Variants in CCNT2 observed in about 807,000 individuals in gnomAD.
CCNT2 encodes the protein cyclin-T2.
Under a neutral mutation model 70.0 loss-of-function variants are expected in CCNT2, and 18 were observed. The observed-to-expected ratio is 0.26, with a 90% CI of 0.18 to 0.38. The LOEUF (loss-of-function observed/expected upper bound fraction) is 0.38. Among genes scored for constraint, CCNT2 ranks in the 10% least tolerant of loss-of-function variants. The pLI, the probability that CCNT2 is intolerant of heterozygous loss-of-function variation, is 1.00. For missense variants in CCNT2, 734 were observed against 890.2 expected, an observed-to-expected ratio of 0.82 and a Z score of 2.23; for synonymous variants, 334 against 313.3, an observed-to-expected ratio of 1.07 and a Z score of -0.70.
chr2:134,943,432 G>A (rs887131376), intron 5 of CCNT2: 43 of 984,942 alleles, frequency 4.4e-5, no homozygotes, highest in Non-Finnish European at 4.7e-5. Flanking sequence ...TGGGGGGAGT[G>A]TTTTGCCCAT....
intron 1 of CCNT2, among the ~76,000 whole-genome samples, chr2:134,919,556 C>T (rs1258642729): frequency 6.6e-6 from 1 of 152,052 alleles, no homozygotes; most frequent in Non-Finnish European, 1.5e-5. Context: ...TAGTCGTAGC[C>T]ATTGATAAAT....
chr2:134,945,870 A>G, intron 5 of CCNT2: 1 of 1,502,582 alleles, frequency 6.7e-7, no homozygotes, highest in Non-Finnish European at 8.9e-7. Context: ...AGCTAAAAGC[A>G]AATCGGCTTG....
chr2:134,946,461 A>G (rs1681971192), intron 6 of CCNT2: 1 of 1,083,964 alleles, frequency 9.2e-7, no homozygotes, highest in Non-Finnish European at 1.1e-6. Flanking sequence ...AATTCGAGCA[A>G]CTTGGTAAGT....
chr2:134,953,996 C>T lies in CCNT2; in HGVS notation c.1541C>T (p.Thr514Ile). The change falls in exon 9 of 9, where the codon ACT becomes ATT. Residue 514 changes from threonine (T) to isoleucine (I), a missense_variant. Physicochemically the swap from Thr to Ile is moderately conservative, Grantham distance 89. Transcript: ENST00000264157. The stretch of plus-strand genomic sequence containing the variant: ...AAATTACGGATTCCAATACCACCCA[C>T]TGATAAAAGCGCCAGTAAAGAAGAA... ...SLKLRIPIPP[T>I]DKSASKEELK... 1 of 1,614,104 alleles carries T rather than the reference C, an allele frequency of 6.2e-7. No individual in the cohort carries two copies. The highest frequency in any genetic ancestry group is 8.5e-7 in the Non-Finnish European group (1 of 1,180,002).
Position 134,953,957 on chromosome 2 carries a change from A to C in CCNT2, c.1502A>C (p.Lys501Thr). 6.2e-7 allele frequency: 1 copy of C among 1,614,142 alleles called. No homozygotes were observed. The highest frequency in any genetic ancestry group is 8.5e-7 in the Non-Finnish European group (1 of 1,179,972). Residue 501 changes from lysine (K) to threonine (T), a missense_variant, in exon 9 of 9, where the codon AAG becomes ACG. Physicochemically the swap from Lys to Thr is moderately conservative, Grantham distance 78. Transcript: ENST00000264157. The part of the protein sequence containing the change: ...TEKYMADKKE[K>T]SGSLKLRIPI... ...AAATACATGGCAGACAAAAAGGAAA[A>C]GAGTGGGTCACTGAAATTACGGATT... is the stretch of plus-strand genomic sequence containing the variant.
chr2:134,953,862 G>T lies in CCNT2; in HGVS notation c.1407G>T (p.Gln469His). ...TAGAACAGCAGCACAAACAAGGGCAGTCACAGGCAGCCAGCAGCAGTTCTG... is the reference window on the plus strand; with the variant it reads ...TAGAACAGCAGCACAAACAAGGGCATTCACAGGCAGCCAGCAGCAGTTCTG... ...AQVEQQHKQG[Q>H]SQAASSSSVT... The change falls in exon 9 of 9, where the codon CAG becomes CAT. Residue 469 changes from glutamine (Q) to histidine (H), a missense_variant. Gln to His is a conservative substitution (Grantham distance 24, BLOSUM62 0). Around this residue, in one of 3 missense-constraint regions of CCNT2, gnomAD observed 532 missense variants for 556.9 expected, o/e 0.96. Transcript: ENST00000264157. 1 of 1,614,116 alleles carries T rather than the reference G, an allele frequency of 6.2e-7. No homozygotes were observed. The highest frequency in any genetic ancestry group is 8.5e-7 in the Non-Finnish European group (1 of 1,180,022).
In CCNT2 at chr2:134,944,834, A is replaced by T. The variant is rs991578566; in HGVS notation, c.494-1267A>T. 1.2e-5 allele frequency: 12 copies of T among 985,002 alleles called. No homozygotes were observed. The Admixed American group carries it at 1.8e-4, about 15-fold the overall frequency. The allele number at this position is 985,002 out of a possible 1,614,324, so 61.0% of individuals were successfully genotyped here. On this transcript the variant is annotated intron_variant, in intron 5 of 8. Transcript: ENST00000264157. ...TCTGTTGCACAGTGACTGTTTCTGG[A>T]TCACTGAATTTAGATACATGCCTAG...
At position 134,953,550 on chromosome 2, in the gene CCNT2, A is replaced by G; in HGVS notation, c.1095A>G (p.Ser365=). 6.2e-7 allele frequency: 1 copy of G among 1,614,230 alleles called. No individual in the cohort carries two copies. The highest frequency in any genetic ancestry group is 8.5e-7 in the Non-Finnish European group (1 of 1,180,028). ...QDSARTEQLY[S]QKQETSLSGS... ...CAGCAAGGACAGAACAGCTATATTC[A>G]CAGAAACAGGAGACATCTTTGTCTG... The change falls in exon 9 of 9, where the codon TCA becomes TCG. Residue 365 remains serine (S), a synonymous_variant. Coordinates refer to ENST00000264157, the MANE Select transcript of CCNT2 (RefSeq NM_058241.3).
chr2:134,923,926 A>T (rs902033141), intron 2 of CCNT2, among the ~76,000 whole-genome samples: 1 of 151,932 alleles, frequency 6.6e-6, no homozygotes, highest in Non-Finnish European at 1.5e-5. Flanking sequence ...CAATGAAAAA[A>T]CCTCAGATTT....
intron 2 of CCNT2, among the ~76,000 whole-genome samples, chr2:134,935,293 C>G (rs1681065682): frequency 6.6e-6 from 1 of 152,190 alleles, no homozygotes; most frequent in Non-Finnish European, 1.5e-5. Context: ...GGGAGCCAAA[C>G]TCTATTTTAC....
chr2:134,943,885 C>T (rs1257245796), intron 5 of CCNT2: 2 of 975,488 alleles, frequency 2.1e-6, no homozygotes, highest in Non-Finnish European at 1.2e-6. Flanking sequence ...TTAGATTTAT[C>T]CTAAACAAAA....
At chr2:134,927,232 T>C (rs1364624255) in intron 2 of CCNT2, among the ~76,000 whole-genome samples, 1 of 152,240 alleles carries the variant, frequency 6.6e-6, no homozygotes, top group East Asian at 1.9e-4. Context: ...ATCTGCCTAA[T>C]TACAGGGATA....
Position 134,954,347 on chromosome 2 carries a change from A to T in CCNT2, c.1892A>T (p.His631Leu), listed in dbSNP as rs539272046. ...LHVNDASHNH[H>L]SKMSKSSKSS... ...GTCAATGATGCATCTCACAACCACC[A>T]CTCCAAAATGAGCAAAAGTTCCAAA... The change falls in exon 9 of 9, where the codon CAC becomes CTC. Residue 631 changes from histidine to leucine, a missense_variant. Physicochemically the swap from His to Leu is moderately conservative, Grantham distance 99. Coordinates refer to ENST00000264157, the MANE Select transcript of CCNT2 (RefSeq NM_058241.3). 1.2e-6 allele frequency: 2 copies of T among 1,613,872 alleles called. No homozygotes were observed. The highest frequency in any genetic ancestry group is 4.5e-5 in the East Asian group (2 of 44,864).
intron 2 of CCNT2, among the ~76,000 whole-genome samples, chr2:134,921,882 A>G (rs1469401065): frequency 6.6e-6 from 1 of 152,100 alleles, no homozygotes; most frequent in Non-Finnish European, 1.5e-5. Context: ...AAACTTCAGC[A>G]TTTTTACGTA....
chr2:134,953,667 T>C lies in CCNT2; in HGVS notation c.1212T>C (p.Ser404=). 4 of 1,614,160 alleles carry C rather than the reference T, an allele frequency of 2.5e-6. No homozygotes were observed. The highest frequency in any genetic ancestry group is 2.2e-5 in the South Asian group (2 of 91,086). Residue 404 remains serine, a synonymous_variant, in exon 9 of 9, where the codon TCT becomes TCC. Coordinates refer to ENST00000264157, the MANE Select transcript of CCNT2 (RefSeq NM_058241.3). ...HHRPDKISDH[S]SVKQEYTHKA... ...GACCTGACAAAATTTCAGATCATTC[T>C]TCTGTTAAGCAAGAATATACTCATA...
intron 2 of CCNT2, among the ~76,000 whole-genome samples, chr2:134,924,725 A>G (rs1259931907): frequency 6.6e-6 from 1 of 152,184 alleles, no homozygotes; most frequent in Non-Finnish European, 1.5e-5. Flanking sequence ...CTGGGATTAC[A>G]GGCGTTAGCC....
rs777242207 is a variant in CCNT2, at chr2:134,918,842, A to G, written c.-13A>G. ...GGGGGGTGAATGAAGGAGCGGGCGG[A>G]GGAGGAAGTGTCATGGCGTCGGGCC... On this transcript the variant is annotated 5_prime_UTR_variant, in exon 1 of 9. Transcript: ENST00000264157. 1 of 1,608,286 alleles carries G rather than the reference A, an allele frequency of 6.2e-7. No individual in the cohort carries two copies. Among genetic ancestry groups the G allele is most frequent in the East Asian group, 2.2e-5 (1 of 44,570 alleles).
chr2:134,936,809 C>T (rs1374289), intron 2 of CCNT2, 32 bp from the exon 3 acceptor site: 765,338 of 1,569,440 alleles, frequency 0.49, 206,104 homozygotes, highest in Middle Eastern at 0.9. Context: ...TGTATTTGTT[C>T]TTAAATGACC....
intron 5 of CCNT2, 65 bp downstream of exon 5, chr2:134,942,739 G>C: frequency 6.9e-7 from 1 of 1,448,028 alleles, no homozygotes; most frequent in Non-Finnish European, 9.3e-7. Context: ...ATTGATTTGG[G>C]TGCTATTTTG....
Sources: allele counts gnomAD v4.1 joint callset (sites outside exome capture counted in the v4.1 genomes callset), GRCh38; gene constraint gnomAD v4.1.1; regional missense constraint gnomAD v4.1.1; transcripts MANE v1.5; gene names NCBI Gene and HGNC (gene_info 2026-07-23, HGNC 2026-07-21).